Variants in TRIO observed in about 807,000 individuals in gnomAD.
TRIO encodes the protein trio Rho guanine nucleotide exchange factor, also known as triple functional domain protein.
A neutral mutation model predicts 351.9 loss-of-function variants in TRIO; 58 were observed. The ratio of observed to expected loss-of-function variants is 0.16; its 90% CI spans 0.13 to 0.21. The LOEUF is 0.21. Among genes scored for constraint, TRIO ranks in the 10% least tolerant of loss-of-function variants. The pLI is 1.00. For missense variants in TRIO, 3,201 were observed against 4,027.8 expected (o/e 0.79, Z 5.56); for synonymous variants, 1,758 against 1,595.7 (o/e 1.10, Z -2.42).
intron 6 of TRIO, 33 bp from the exon 7 acceptor site, chr5:14,297,039 C>A: frequency 1.3e-6 from 2 of 1,591,204 alleles, no homozygotes; most frequent in African/African-American, 1.3e-5. Context: ...TTGCTCTCCC[C>A]TAAGGAGCCC....
intron 34 of TRIO, among the ~76,000 whole-genome samples, chr5:14,446,663 C>G (rs1320929393): frequency 1.3e-5 from 2 of 152,058 alleles, no homozygotes; most frequent in Non-Finnish European, 2.9e-5. Context: ...CATCCTGTTT[C>G]CAAGTGCTTA....
At chr5:14,452,371 C>A (rs1028513747) in intron 34 of TRIO, among the ~76,000 whole-genome samples, 7 of 152,182 alleles carry the variant, frequency 4.6e-5, no homozygotes, top group African/African-American at 1.7e-4. Flanking sequence ...TTTTTTCATA[C>A]CTTTTCCCCC....
At chr5:14,331,273 T>C (rs963606898) in intron 10 of TRIO, among the ~76,000 whole-genome samples, 3 of 152,236 alleles carry the variant, frequency 2.0e-5, no homozygotes, top group African/African-American at 7.2e-5. Flanking sequence ...TCTTTAAATG[T>C]GTGGGCTTAG....
At chr5:14,414,485 G>A (rs772164176) in intron 33 of TRIO, among the ~76,000 whole-genome samples, 4 of 152,192 alleles carry the variant, frequency 2.6e-5, no homozygotes, top group Non-Finnish European at 4.4e-5. Flanking sequence ...AGCAGTGTGT[G>A]AGCATGTGAG....
chr5:14,386,987 C>T (rs935644958), intron 21 of TRIO, among the ~76,000 whole-genome samples: 2 of 152,200 alleles, frequency 1.3e-5, no homozygotes, highest in African/African-American at 2.4e-5. Flanking sequence ...TCAGGAAAAC[C>T]AAAAAGTCAG....
chr5:14,158,423 CAA>C (rs575233067), intron 1 of TRIO, among the ~76,000 whole-genome samples: 9 of 124,412 alleles, frequency 7.2e-5, no homozygotes, highest in East Asian at 2.3e-4. Flanking sequence ...GACTCCGCCT[CAA>C]AAAAAAAAAA....
At chr5:14,482,446 A>C (rs1755598814) in intron 45 of TRIO, 136 bp from the exon 46 acceptor site, 1 of 712,928 alleles carries the variant, frequency 1.4e-6, no homozygotes, top group African/African-American at 1.8e-5. Context: ...AAAGAAAAAA[A>C]AAATTAAACT....
chr5:14,282,562 C>G (rs1400898587), intron 3 of TRIO, among the ~76,000 whole-genome samples: 2 of 148,870 alleles, frequency 1.3e-5, no homozygotes, highest in African/African-American at 5.2e-5. Flanking sequence ...GGATGACCCA[C>G]TTTAAAAAAA....
intron 1 of TRIO, among the ~76,000 whole-genome samples, chr5:14,164,802 T>C (rs26285): frequency 0.28 from 43,248 of 152,166 alleles, 6,403 homozygotes; most frequent in East Asian, 0.47. Flanking sequence ...ATTTCATCAT[T>C]GGAGTATCTG....
At chr5:14,363,008 T>C (rs1744286868) in intron 13 of TRIO, among the ~76,000 whole-genome samples, 1 of 151,134 alleles carries the variant, frequency 6.6e-6, no homozygotes. Context: ...CTACTTTTTT[T>C]TTTTTTTTTT....
intron 8 of TRIO, among the ~76,000 whole-genome samples, chr5:14,312,233 C>T (rs956772439): frequency 1.3e-5 from 2 of 152,150 alleles, no homozygotes; most frequent in Admixed American, 1.3e-4. Flanking sequence ...AGTTACAAGT[C>T]TATGTGCAGT....
intron 4 of TRIO, among the ~76,000 whole-genome samples, chr5:14,288,764 C>T (rs1002206912): frequency 6.6e-6 from 1 of 152,144 alleles, no homozygotes; most frequent in Non-Finnish European, 1.5e-5. Context: ...TCTACCTCTG[C>T]TGCCTTCTGA....
rs747555983 is a variant in TRIO at position 14,152,364 on chromosome 5, GT to G, written c.157+8485del. On this transcript the variant is annotated intron_variant, in intron 1 of 56. Transcript: ENST00000344204. Reference sequence around the variant, plus strand: ...GGGCAGGATGTATTTCAGTTTTTTTGTTTGTTTGTTTGTTTGTTTGTTTTGA... The same window carrying G: ...GGGCAGGATGTATTTCAGTTTTTTTGTTGTTTGTTTGTTTGTTTGTTTTGA... Among the ~76,000 whole-genome samples the G allele has an allele frequency of 2.4e-4, 37 of 151,480 alleles. No homozygotes were observed. In the South Asian group the frequency reaches 2.9e-3, roughly 12 times the overall value.
chr5:14,279,421 A>G (rs1735801828), intron 2 of TRIO, among the ~76,000 whole-genome samples: 1 of 152,160 alleles, frequency 6.6e-6, no homozygotes, highest in Non-Finnish European at 1.5e-5. Context: ...ACAGAAAATA[A>G]TGAAGAGTTT....
chr5:14,237,926 A>G (rs181612732), intron 1 of TRIO, among the ~76,000 whole-genome samples: 2 of 152,188 alleles, frequency 1.3e-5, no homozygotes, highest in Non-Finnish European at 2.9e-5. Flanking sequence ...TTCCTCTAAC[A>G]TTTAGCATTA....
chr5:14,277,535 C>T (rs1735640997), intron 2 of TRIO, among the ~76,000 whole-genome samples: 1 of 152,158 alleles, frequency 6.6e-6, no homozygotes, highest in Non-Finnish European at 1.5e-5. Flanking sequence ...GACATCTGTC[C>T]CGCCTGCCTC....
intron 12 of TRIO, 131 bp downstream of exon 12, chr5:14,358,478 G>T: frequency 9.9e-7 from 1 of 1,009,452 alleles, no homozygotes. Flanking sequence ...TAGTGTCTGT[G>T]AAGGCAAAGG....
intron 37 of TRIO, among the ~76,000 whole-genome samples, chr5:14,467,512 A>G (rs1362313064): frequency 6.6e-6 from 1 of 152,162 alleles, no homozygotes; most frequent in East Asian, 1.9e-4. Flanking sequence ...TTCGGACTCC[A>G]CTGGTTAAGA....
intron 34 of TRIO, among the ~76,000 whole-genome samples, chr5:14,459,607 G>A (rs902143835): frequency 2.6e-5 from 4 of 152,162 alleles, no homozygotes; most frequent in African/African-American, 2.4e-5. Flanking sequence ...GGGTATGGTG[G>A]CAGTCGTCTG....
Sources: allele counts gnomAD v4.1 joint callset (sites outside exome capture counted in the v4.1 genomes callset), GRCh38; gene constraint gnomAD v4.1.1; transcripts MANE v1.5; gene names NCBI Gene and HGNC (gene_info 2026-07-23, HGNC 2026-07-21).